The following DEUP1 variants were observed in gnomAD, a reference collection of about 807,000 sequenced individuals.
DEUP1 encodes deuterosome assembly protein 1.
DEUP1 carries 82 observed loss-of-function variants against 87.4 expected under a neutral mutation model. The ratio of observed to expected loss-of-function variants is 0.94; its 90% CI spans 0.78 to 1.13. DEUP1 has a LOEUF of 1.13. Ranked by LOEUF, DEUP1 falls within the 50% of genes most tolerant of loss-of-function variation. The pLI is 0.00. For missense variants in DEUP1, 663 were observed against 681.5 expected, an observed-to-expected ratio of 0.97 and a Z score of 0.30; for synonymous variants, 214 against 222.7, an observed-to-expected ratio of 0.96 and a Z score of 0.35.
chr11:93,361,383 T>C (rs1426132646), intron 4 of DEUP1, among the ~76,000 whole-genome samples: 1 of 152,078 alleles, frequency 6.6e-6, no homozygotes, highest in Non-Finnish European at 1.5e-5. Flanking sequence ...GGAAATGCAA[T>C]AGACTTTCCT....
intron 12 of DEUP1, among the ~76,000 whole-genome samples, chr11:93,410,900 TGC>T (rs1203998977): frequency 6.6e-6 from 1 of 152,242 alleles, no homozygotes; most frequent in Non-Finnish European, 1.5e-5. Flanking sequence ...CAGTTTAGGC[TGC>T]TATTCCTGCT....
intron 2 of DEUP1, chr11:93,352,415 G>A (rs1239056649): frequency 2.8e-6 from 2 of 702,116 alleles, no homozygotes; most frequent in African/African-American, 1.7e-5. Flanking sequence ...TGTAGTGAGA[G>A]CACTTACCAA....
intron 4 of DEUP1, among the ~76,000 whole-genome samples, chr11:93,360,651 A>G (rs1437936615): frequency 1.3e-5 from 2 of 152,150 alleles, no homozygotes; most frequent in African/African-American, 4.8e-5. Context: ...CCAAATTTAA[A>G]AACTCAATGG....
chr11:93,405,029 T>C (rs917542708), intron 11 of DEUP1, among the ~76,000 whole-genome samples: 19 of 151,532 alleles, frequency 1.3e-4, no homozygotes, highest in African/African-American at 4.1e-4. Context: ...AAATCATTAT[T>C]ATCATTCTTA....
intron 9 of DEUP1, among the ~76,000 whole-genome samples, chr11:93,393,532 G>A (rs1260699952): frequency 1.3e-5 from 2 of 152,026 alleles, no homozygotes; most frequent in Non-Finnish European, 2.9e-5. Flanking sequence ...TTTTGGGTCT[G>A]ATGACCCTTC....
chr11:93,356,826 C>T (rs1944921051), intron 3 of DEUP1, 122 bp from the exon 4 acceptor site: 2 of 683,686 alleles, frequency 2.9e-6, no homozygotes, highest in East Asian at 5.5e-5. Flanking sequence ...AAGTGCAGTA[C>T]AAATATTTAC....
intron 13 of DEUP1, among the ~76,000 whole-genome samples, chr11:93,418,969 G>A (rs1279561100): frequency 6.6e-6 from 1 of 151,076 alleles, no homozygotes; most frequent in Admixed American, 6.6e-5. Flanking sequence ...ACTCATAGGT[G>A]GGAATTGAAC....
chr11:93,368,374 G>A lies in DEUP1; in HGVS notation c.433-1699G>A, dbSNP rs538148850. Among the ~76,000 whole-genome samples, 26 of 152,338 alleles carry A rather than the reference G, an allele frequency of 1.7e-4. No homozygotes were observed. In the South Asian group the frequency reaches 5.2e-3, roughly 30 times the overall value. ...CTGTGTATTAATCCATTCTCACACT[G>A]CTATAATGAACTACCTGAGACTGGG... On this transcript the variant is annotated intron_variant, in intron 5 of 13. Transcript: ENST00000298050.
intron 13 of DEUP1, among the ~76,000 whole-genome samples, chr11:93,415,867 G>A (rs1947604153): frequency 6.6e-6 from 1 of 151,658 alleles, no homozygotes; most frequent in Non-Finnish European, 1.5e-5. Context: ...CACATTCAAT[G>A]ACAATAAAAT....
At chr11:93,404,417 G>C (rs990633584) in intron 11 of DEUP1, among the ~76,000 whole-genome samples, 3 of 151,802 alleles carry the variant, frequency 2.0e-5, no homozygotes, top group African/African-American at 7.3e-5. Flanking sequence ...ATTTTTAAGA[G>C]GACTAATTTG....
intron 5 of DEUP1, among the ~76,000 whole-genome samples, chr11:93,365,201 C>A (rs756219009): frequency 1.3e-5 from 2 of 151,922 alleles, no homozygotes; most frequent in Non-Finnish European, 2.9e-5. Context: ...TCTTAAAGAG[C>A]AGAAAAAAAT....
chr11:93,428,757 G>T (rs1318627097), intron 13 of DEUP1, among the ~76,000 whole-genome samples: 2 of 152,004 alleles, frequency 1.3e-5, no homozygotes, highest in Non-Finnish European at 2.9e-5. Flanking sequence ...TGTATTTACT[G>T]ATTTCATTAC....
intron 11 of DEUP1, among the ~76,000 whole-genome samples, chr11:93,399,685 G>GA (rs919724832): frequency 8.6e-5 from 13 of 151,558 alleles, no homozygotes; most frequent in Admixed American, 4.6e-4. Context: ...TGTTAATATA[G>GA]AAAAAATACA....
At chr11:93,339,904 T>C (rs1943973344) in intron 2 of DEUP1, among the ~76,000 whole-genome samples, 1 of 152,180 alleles carries the variant, frequency 6.6e-6, no homozygotes, top group South Asian at 2.1e-4. Flanking sequence ...TCCACCACTG[T>C]CTGGCAGTAA....
At chr11:93,364,053 C>T (rs1565308863) in intron 4 of DEUP1, 107 bp from the exon 5 acceptor site, 21 of 822,718 alleles carry the variant, frequency 2.6e-5, no homozygotes, top group Non-Finnish European at 2.3e-5. Flanking sequence ...ACTGCACTTT[C>T]TAATCATGAC....
intron 2 of DEUP1, among the ~76,000 whole-genome samples, chr11:93,339,213 C>A (rs954651411): frequency 1.3e-5 from 2 of 152,166 alleles, no homozygotes; most frequent in Non-Finnish European, 2.9e-5. Context: ...TCACATGTTG[C>A]CATATTAAAG....
chr11:93,377,094 A>G (rs1186569728), intron 7 of DEUP1, among the ~76,000 whole-genome samples: 1 of 152,026 alleles, frequency 6.6e-6, no homozygotes, highest in Admixed American at 6.6e-5. Flanking sequence ...ATATATTTGC[A>G]GTTGTTGCAT....
Position 93,435,381 on chromosome 11 carries a change from G to A in DEUP1, c.1639-2162G>A, listed in dbSNP as rs116801512. Among the ~76,000 whole-genome samples the A allele has an allele frequency of 7.1e-3, 1,076 of 152,308 alleles. 17 individuals are homozygous for A. Among genetic ancestry groups the A allele is most frequent in the African/African-American group, 0.025 (1,042 of 41,564 alleles). On this transcript the variant is annotated intron_variant, in intron 13 of 13. Transcript: ENST00000298050. Reference sequence around the variant, plus strand: ...ATGATGCATAATTCCCACTGAGGTAGCCAAAGACAAAGGCTGGATCAAATC... The same window carrying A: ...ATGATGCATAATTCCCACTGAGGTAACCAAAGACAAAGGCTGGATCAAATC...
At chr11:93,352,919 C>G (rs1944697648) in intron 2 of DEUP1, among the ~76,000 whole-genome samples, 1 of 152,122 alleles carries the variant, frequency 6.6e-6, no homozygotes, top group Non-Finnish European at 1.5e-5. Context: ...GGTGGGGACA[C>G]AGGCAAACCA....
Sources: allele counts gnomAD v4.1 joint callset (sites outside exome capture counted in the v4.1 genomes callset), GRCh38; gene constraint gnomAD v4.1.1; transcripts MANE v1.5; gene names NCBI Gene and HGNC (gene_info 2026-07-23, HGNC 2026-07-21).